SFMBT2: variants seen among roughly 807,000 people sequenced by gnomAD.
SFMBT2 encodes Scm like with four mbt domains 2.
Under a neutral mutation model 110.1 loss-of-function variants are expected in SFMBT2, and 38 were observed. The ratio of observed to expected loss-of-function variants is 0.35; its 90% confidence interval spans 0.27 to 0.45. The LOEUF is 0.45. SFMBT2 is among the 20% of genes least tolerant of loss of function. The pLI is 1.00. For synonymous variants in SFMBT2, 425 were observed against 425.4 expected (o/e 1.00, Z 0.01); for missense variants, 1,011 against 1,094.9 (o/e 0.92, Z 1.08).
intron 8 of SFMBT2, among the ~76,000 whole-genome samples, chr10:7,245,413 T>A (rs1333736569): frequency 6.6e-6 from 1 of 152,130 alleles, no homozygotes; most frequent in Admixed American, 6.5e-5. Context: ...CGGTACCCTG[T>A]AAAGAAGGAA....
intron 15 of SFMBT2, among the ~76,000 whole-genome samples, chr10:7,189,980 C>T (rs555559647): frequency 6.6e-6 from 1 of 152,160 alleles, no homozygotes; most frequent in Non-Finnish European, 1.5e-5. Flanking sequence ...GCTTGGTTTG[C>T]ACCCTGATTT....
intron 4 of SFMBT2, among the ~76,000 whole-genome samples, chr10:7,337,727 T>C (rs1039964174): frequency 6.6e-6 from 1 of 152,086 alleles, no homozygotes; most frequent in African/African-American, 2.4e-5. Flanking sequence ...AGTGTGAGAA[T>C]GGATAATAAC....
chr10:7,307,598 T>C (rs945050434), intron 4 of SFMBT2, among the ~76,000 whole-genome samples: 9 of 152,226 alleles, frequency 5.9e-5, no homozygotes, highest in Non-Finnish European at 1.3e-4. Context: ...TGATAAATAG[T>C]TCTAGGACAA....
chr10:7,208,767 G>A (rs1839236524), intron 11 of SFMBT2, among the ~76,000 whole-genome samples: 1 of 151,834 alleles, frequency 6.6e-6, no homozygotes, highest in South Asian at 2.1e-4. Flanking sequence ...CCAATGTTCT[G>A]CTAATTCAAA....
chr10:7,261,405 C>T (rs1252784329), intron 7 of SFMBT2, among the ~76,000 whole-genome samples: 1 of 152,194 alleles, frequency 6.6e-6, no homozygotes, highest in African/African-American at 2.4e-5. Context: ...CCTTGGCTCC[C>T]TGTCCCATTG....
chr10:7,399,393 C>A (rs532837972), intron 1 of SFMBT2, among the ~76,000 whole-genome samples: 102 of 152,238 alleles, frequency 6.7e-4, no homozygotes, highest in African/African-American at 2.3e-3. Context: ...CCACTATGCC[C>A]AGCTAATTTT....
chr10:7,349,783 C>A (rs919805731), intron 4 of SFMBT2, among the ~76,000 whole-genome samples: 5 of 152,014 alleles, frequency 3.3e-5, no homozygotes. Context: ...CTTTTATCCA[C>A]CTCTTGCCTT....
In SFMBT2 at chr10:7,188,658, G is replaced by T. The variant is rs755934255; in HGVS notation, c.1774C>A (p.His592Asn). Residue 592 changes from histidine (H) to asparagine (N), a missense_variant, in exon 16 of 21, where the codon CAC (histidine) becomes AAC (asparagine). Transcript: ENST00000397167. ...AGCGTCTCTTCCTGGAAATTCCAGTGGGGATCTTCTACCAGCTGTAATTCT... is the reference window on the plus strand; with the variant it reads ...AGCGTCTCTTCCTGGAAATTCCAGTTGGGATCTTCTACCAGCTGTAATTCT... Reference protein sequence around the residue: ...LRELQLVEDPHWNFQEETLKA... With the variant: ...LRELQLVEDPNWNFQEETLKA... 10 of 1,613,780 alleles carry T rather than the reference G, an allele frequency of 6.2e-6. No individual in the cohort carries two copies. The highest frequency in any genetic ancestry group is 8.5e-6 in the Non-Finnish European group (10 of 1,179,818).
At chr10:7,220,736 G>A (rs890481975) in intron 10 of SFMBT2, among the ~76,000 whole-genome samples, 199 bp from the exon 11 acceptor site, 3 of 152,176 alleles carry the variant, frequency 2.0e-5, no homozygotes, top group East Asian at 3.8e-4. Context: ...TTAGAACTAT[G>A]CCTAGCACAT....
At chr10:7,266,474 C>A in intron 7 of SFMBT2, among the ~76,000 whole-genome samples, 1 of 152,262 alleles carries the variant, frequency 6.6e-6, no homozygotes, top group Admixed American at 6.5e-5. Context: ...TCCAGGCAGA[C>A]CAGGCATTAT....
chr10:7,386,099 G>A (rs1054058570), intron 1 of SFMBT2, among the ~76,000 whole-genome samples: 4 of 152,166 alleles, frequency 2.6e-5, no homozygotes, highest in African/African-American at 4.8e-5. Flanking sequence ...AATAAAAAGC[G>A]AGCAGTGTTT....
intron 4 of SFMBT2, chr10:7,329,643 G>A (rs1002473821): frequency 5.0e-5 from 17 of 341,592 alleles, no homozygotes; most frequent in African/African-American, 6.7e-5. Context: ...AGGCAGGCTC[G>A]TCTCTGCTCC....
intron 9 of SFMBT2, among the ~76,000 whole-genome samples, chr10:7,235,767 T>C (rs1840233145): frequency 6.6e-6 from 1 of 152,208 alleles, no homozygotes; most frequent in Non-Finnish European, 1.5e-5. Flanking sequence ...GGATATAGAA[T>C]ATCTGAATAC....
intron 4 of SFMBT2, among the ~76,000 whole-genome samples, chr10:7,315,072 G>GAA (rs1018783034): frequency 2.1e-5 from 3 of 143,390 alleles, no homozygotes; most frequent in African/African-American, 5.2e-5. Flanking sequence ...AAGAAAGAAA[G>GAA]AAAGAAAGAA....
At chr10:7,347,848 A>G (rs1051136865) in intron 4 of SFMBT2, among the ~76,000 whole-genome samples, 4 of 152,258 alleles carry the variant, frequency 2.6e-5, no homozygotes. Context: ...TTCACCCTGC[A>G]GAATCCTTCA....
chr10:7,264,662 A>T (rs1054257778), intron 7 of SFMBT2, among the ~76,000 whole-genome samples: 1 of 152,136 alleles, frequency 6.6e-6, no homozygotes, highest in African/African-American at 2.4e-5. Context: ...AGCACTAGGG[A>T]GTCACTGCCC....
intron 16 of SFMBT2, among the ~76,000 whole-genome samples, chr10:7,179,296 C>A (rs1443256470): frequency 2.0e-5 from 3 of 149,046 alleles, no homozygotes; most frequent in South Asian, 2.1e-4. Flanking sequence ...CCTCCATTGA[C>A]CCTATGTGTA....
At chr10:7,372,352 C>T (rs75574853) in intron 2 of SFMBT2, among the ~76,000 whole-genome samples, 4,807 of 152,256 alleles carry the variant, frequency 0.032, 263 homozygotes, top group African/African-American at 0.11. Context: ...TAAATTTTGC[C>T]TTCTAAGCCC....
chr10:7,207,642 C>T lies in SFMBT2; in HGVS notation c.1331-1714G>A, dbSNP rs555923046. ...CTGAAGAATTCTGAATCACATCCTCCCTCCCCACCAAAACCATAACTTCAC... is the reference window on the plus strand; with the variant it reads ...CTGAAGAATTCTGAATCACATCCTCTCTCCCCACCAAAACCATAACTTCAC... On this transcript the variant is annotated intron_variant, in intron 11 of 20. Coordinates refer to ENST00000397167, the MANE Select transcript of SFMBT2 (RefSeq NM_001387889.1). 5.1e-6 allele frequency: 5 copies of T among 983,058 alleles called. No homozygotes were observed. The African/African-American group carries it at 5.2e-5, about 10-fold the overall frequency. The allele number at this position is 983,058 out of a possible 1,614,324, so 60.9% of individuals were successfully genotyped here.
Sources: gnomAD v4.1 joint callset for allele counts (sites outside exome capture counted in the v4.1 genomes callset) on GRCh38, gnomAD v4.1.1 for gene constraint, MANE v1.5 for transcripts, NCBI Gene and HGNC (gene_info 2026-07-23, HGNC 2026-07-21) for gene names.